SPTLC3: variants seen among roughly 807,000 people sequenced by gnomAD.
SPTLC3 encodes serine palmitoyltransferase 3.
A neutral mutation model predicts 59.3 loss-of-function variants in SPTLC3; 36 were observed. The observed-to-expected ratio is 0.61, with a 90% CI of 0.47 to 0.80. SPTLC3 has a LOEUF of 0.80. SPTLC3 is among the 30% of genes least tolerant of loss of function. The pLI is 0.00. For synonymous variants in SPTLC3, 257 were observed against 240.8 expected, an observed-to-expected ratio of 1.07 and a Z score of -0.62; for missense variants, 625 against 685.1, an observed-to-expected ratio of 0.91 and a Z score of 0.98.
At chr20:13,029,886 G>A (rs1033692103) in intron 1 of SPTLC3, among the ~76,000 whole-genome samples, 13 of 152,070 alleles carry the variant, frequency 8.5e-5, no homozygotes, top group African/African-American at 3.1e-4. Context: ...CTGAATCCTT[G>A]GCAAGTTTCT....
intron 4 of SPTLC3, among the ~76,000 whole-genome samples, chr20:13,079,082 G>A (rs538937102): frequency 5.1e-4 from 77 of 152,162 alleles, no homozygotes; most frequent in Non-Finnish European, 7.9e-4. Flanking sequence ...GGAACCTATT[G>A]AAAGAAAACT....
intron 9 of SPTLC3, among the ~76,000 whole-genome samples, chr20:13,140,709 T>C (rs2038361923): frequency 6.6e-6 from 1 of 152,212 alleles, no homozygotes; most frequent in Non-Finnish European, 1.5e-5. Flanking sequence ...AAAAAGTTGA[T>C]TAAAATGTCA....
intron 11 of SPTLC3, among the ~76,000 whole-genome samples, chr20:13,161,330 T>C (rs1345204162): frequency 6.6e-6 from 1 of 152,220 alleles, no homozygotes; most frequent in East Asian, 1.9e-4. Flanking sequence ...GTTGAGACTA[T>C]GTGTCCATGG....
chr20:13,065,004 G>T (rs1988138692), intron 2 of SPTLC3, among the ~76,000 whole-genome samples: 1 of 151,914 alleles, frequency 6.6e-6, no homozygotes, highest in Non-Finnish European at 1.5e-5. Context: ...CAAAGCAATT[G>T]TTATTTTTAT....
At chr20:13,157,274 A>AC (rs2038794567) in intron 10 of SPTLC3, among the ~76,000 whole-genome samples, 1 of 256 alleles carries the variant, frequency 3.9e-3, no homozygotes, top group African/African-American at 0.083. Context: ...CTAAAAGTAC[A>AC]AAAAAAAAAA....
At chr20:13,087,059 G>A (rs576991435) in intron 4 of SPTLC3, among the ~76,000 whole-genome samples, 40 of 152,274 alleles carry the variant, frequency 2.6e-4, no homozygotes, top group African/African-American at 8.9e-4. Flanking sequence ...GCCTCCCAAA[G>A]TGCTGGGATT....
chr20:13,139,399 T>G (rs2038328297), intron 9 of SPTLC3, among the ~76,000 whole-genome samples: 1 of 152,224 alleles, frequency 6.6e-6, no homozygotes, highest in South Asian at 2.1e-4. Context: ...AAATTCATTT[T>G]TTCCTAACAT....
chr20:13,065,493 A>T (rs1426728472), intron 2 of SPTLC3, among the ~76,000 whole-genome samples: 1 of 151,868 alleles, frequency 6.6e-6, no homozygotes, highest in Non-Finnish European at 1.5e-5. Context: ...AAATAGATTG[A>T]AATACAAAAA....
At chr20:13,053,622 C>A (rs557277552) in intron 2 of SPTLC3, among the ~76,000 whole-genome samples, 3 of 152,078 alleles carry the variant, frequency 2.0e-5, no homozygotes, top group East Asian at 3.9e-4. Flanking sequence ...TAACCCAATG[C>A]AAGGAAGCTA....
intron 1 of SPTLC3, among the ~76,000 whole-genome samples, chr20:13,020,481 T>C (rs2122385569): frequency 6.6e-6 from 1 of 152,302 alleles, no homozygotes; most frequent in African/African-American, 2.4e-5. Context: ...TGAGCTGTGA[T>C]TGCTCCACTG....
At chr20:13,118,625 C>T (rs1056255413) in intron 8 of SPTLC3, among the ~76,000 whole-genome samples, 3 of 152,160 alleles carry the variant, frequency 2.0e-5, no homozygotes, top group African/African-American at 7.2e-5. Context: ...GACAAACCTA[C>T]ACCTGTCCCA....
At chr20:13,079,601 T>C (rs1292268666) in intron 4 of SPTLC3, 3 of 238,498 alleles carry the variant, frequency 1.3e-5, no homozygotes, top group African/African-American at 2.4e-5. Context: ...AAATATGAAA[T>C]GCACTTGTGT....
Position 13,072,204 on chromosome 20 carries a change from GA to G in SPTLC3, c.304-49del. On this transcript the variant is annotated intron_variant, in intron 2 of 11. Coordinates refer to ENST00000399002, the MANE Select transcript of SPTLC3 (RefSeq NM_018327.4). ...CTTCTTCCCTGCTTCAATTGTAAGT[GA>G]AATCCAGAAAGCAAAGAACCAGAGA... is the stretch of plus-strand genomic sequence containing the variant. 3 of 1,545,064 alleles carry G rather than the reference GA, an allele frequency of 1.9e-6. No homozygotes were observed. The East Asian group carries it at 6.9e-5, about 36-fold the overall frequency.
intron 11 of SPTLC3, chr20:13,164,284 G>T (rs977493309): frequency 1.5e-5 from 7 of 465,400 alleles, no homozygotes; most frequent in African/African-American, 1.4e-4. Flanking sequence ...AAAGCAGGAG[G>T]CCTGGGGTAG....
chr20:13,116,784 G>A (rs1413552684), intron 7 of SPTLC3, among the ~76,000 whole-genome samples: 1 of 152,330 alleles, frequency 6.6e-6, no homozygotes, highest in Non-Finnish European at 1.5e-5. Flanking sequence ...TCTCCTGGGA[G>A]CTTGGCAAAA....
chr20:13,068,287 A>G (rs886395580), intron 2 of SPTLC3, among the ~76,000 whole-genome samples: 1 of 152,210 alleles, frequency 6.6e-6, no homozygotes, highest in Non-Finnish European at 1.5e-5. Flanking sequence ...ATGGCCTGGT[A>G]TTTTCTATCA....
At chr20:13,098,883 C>G (rs770357992) in intron 6 of SPTLC3, among the ~76,000 whole-genome samples, 1 of 152,198 alleles carries the variant, frequency 6.6e-6, no homozygotes, top group Non-Finnish European at 1.5e-5. Flanking sequence ...TGGGTAAATA[C>G]TGCCCTTCCC....
chr20:13,058,491 G>A (rs1354570514), intron 2 of SPTLC3, among the ~76,000 whole-genome samples: 9 of 152,180 alleles, frequency 5.9e-5, no homozygotes, highest in African/African-American at 2.2e-4. Context: ...TGGAATCACT[G>A]AGAACCTTTA....
At chr20:13,143,621 C>A (rs536022174) in intron 9 of SPTLC3, among the ~76,000 whole-genome samples, 46 of 152,246 alleles carry the variant, frequency 3.0e-4, no homozygotes, top group African/African-American at 8.9e-4. Context: ...TGGGGGGCTT[C>A]CCCATCAATT....
Sources: allele counts gnomAD v4.1 joint callset (sites outside exome capture counted in the v4.1 genomes callset), GRCh38; gene constraint gnomAD v4.1.1; transcripts MANE v1.5; gene names NCBI Gene and HGNC (gene_info 2026-07-23, HGNC 2026-07-21).